P4HB: variants seen among roughly 807,000 people sequenced by gnomAD.
P4HB encodes protein disulfide-isomerase.
P4HB carries 20 observed loss-of-function variants against 52.6 expected under a neutral mutation model. The ratio of observed to expected loss-of-function variants is 0.38; its 90% confidence interval spans 0.27 to 0.55. P4HB has a LOEUF of 0.55. Ranked by LOEUF, P4HB falls within the 20% of genes least tolerant of loss-of-function variation. P4HB has a pLI of 0.74. For synonymous variants in P4HB, 296 were observed against 277.9 expected, an observed-to-expected ratio of 1.07 and a Z score of -0.65; for missense variants, 601 against 669.2, an observed-to-expected ratio of 0.90 and a Z score of 1.12.
At chr17:81,849,738 G>A (rs911460540) in intron 4 of P4HB, among the ~76,000 whole-genome samples, 2 of 152,142 alleles carry the variant, frequency 1.3e-5, no homozygotes, top group Non-Finnish European at 2.9e-5. Flanking sequence ...TCAGAGAGGC[G>A]CCCCTGTGCT....
chr17:81,853,338 C>T (rs1158938231), intron 4 of P4HB, among the ~76,000 whole-genome samples: 1 of 152,192 alleles, frequency 6.6e-6, no homozygotes, highest in Admixed American at 6.5e-5. Context: ...TTTGGGAGGC[C>T]AAGGCAGGCG....
Position 81,855,575 on chromosome 17 carries a change from C to A in P4HB, c.364G>T (p.Ala122Ser). Residue 122 changes from alanine to serine, a missense_variant, in exon 3 of 11, where the codon GCT becomes TCT. Physicochemically the swap from Ala to Ser is moderately conservative, Grantham distance 99. Coordinates refer to ENST00000331483, the MANE Select transcript of P4HB (RefSeq NM_000918.4). This position sits in a 1 kb window ranked among gnomAD's most constrained non-coding sequence, Gnocchi z 4.3. ...SPKEYTAGRE[A>S]DDIVNWLKKR... ...TTCAGCCAGTTCACGATGTCATCAG[C>A]CTCTCTGCCAGCTAACCCCAAACAA... 1 of 1,613,568 alleles carries A rather than the reference C, an allele frequency of 6.2e-7. No individual in the cohort carries two copies. The highest frequency in any genetic ancestry group is 1.7e-5 in the Admixed American group (1 of 59,940).
rs913237458 is a variant in P4HB, at chr17:81,860,515, G to C, written c.-44C>G. The C allele has an allele frequency of 8.1e-7, 1 of 1,235,264 alleles. No homozygotes were observed. 76.5% of individuals were successfully genotyped at this position (1,235,264 alleles called of 1,614,324 possible). A position where few individuals can be genotyped will look rare whatever the true frequency, so the allele number is the denominator to read the frequency against. On this transcript the variant is annotated 5_prime_UTR_variant, in exon 1 of 11. Transcript: ENST00000331483. ...GGGGCGCTTCGGTTGGCGCCGCCGG[G>C]ACAGCGGGGGCGACGAGAGCGCGCG...
intron 2 of P4HB, among the ~76,000 whole-genome samples, chr17:81,858,170 G>A (rs1027370641): frequency 2.3e-4 from 35 of 150,320 alleles, no homozygotes; most frequent in African/African-American, 7.9e-4. Context: ...TACTCAAGAG[G>A]CTGAGGCAGG....
rs1243442203 is a variant in P4HB, at chr17:81,845,158, C to T, written c.1432G>A (p.Ala478Thr). ...ACCCCACTCACGTCATCATCCCCTG[C>T]CCCATCCTGGCCACCGCTCTCCAGG... ...KFLESGGQDG[A>T]GDDDDLEDLE... Residue 478 changes from alanine to threonine, a missense_variant, in exon 10 of 11, where the codon GCA becomes ACA. Ala to Thr is a moderately conservative substitution (Grantham distance 58). Coordinates refer to ENST00000331483, the MANE Select transcript of P4HB (RefSeq NM_000918.4). The T allele has an allele frequency of 2.5e-6, 4 of 1,612,800 alleles. No individual in the cohort carries two copies. Among genetic ancestry groups the T allele is most frequent in the Non-Finnish European group, 2.5e-6 (3 of 1,178,982 alleles).
chr17:81,844,783 T>A (rs1222504762), intron 10 of P4HB, among the ~76,000 whole-genome samples: 2 of 152,256 alleles, frequency 1.3e-5, no homozygotes, highest in Non-Finnish European at 2.9e-5. Context: ...CAGACCCATG[T>A]CTGCGCCCTT....
Position 81,846,515 on chromosome 17 carries a change from T to A in P4HB, c.970A>T (p.Met324Leu). ...TCCGATTCGGGCTTGTACTTGGTCA[T>A]CTCCTCCTCCAGGGTGATGAGGCGC... ...AVRLITLEEE[M>L]TKYKPESEEL... Residue 324 changes from methionine (M) to leucine (L), a missense_variant, in exon 7 of 11, where the codon ATG (methionine) becomes TTG (leucine). Physicochemically the swap from Met to Leu is conservative, Grantham distance 15. Transcript: ENST00000331483. The surrounding 1 kb of genome is among the most constrained non-coding windows in gnomAD (Gnocchi z 5.7). 6.2e-7 allele frequency: 1 copy of A among 1,613,950 alleles called. No individual in the cohort carries two copies. Among genetic ancestry groups the A allele is most frequent in the Non-Finnish European group, 8.5e-7 (1 of 1,180,022 alleles).
intron 2 of P4HB, among the ~76,000 whole-genome samples, chr17:81,857,172 G>A (rs1598271558): frequency 6.6e-6 from 1 of 152,022 alleles, no homozygotes; most frequent in South Asian, 2.1e-4. Flanking sequence ...TTTTTGAAAC[G>A]AAGTCTCACT....
chr17:81,851,145 T>A (rs1032913209), intron 4 of P4HB, among the ~76,000 whole-genome samples: 1 of 151,934 alleles, frequency 6.6e-6, no homozygotes, highest in African/African-American at 2.4e-5. Flanking sequence ...TTAGCCAGGA[T>A]GGTCTCGATC....
chr17:81,852,757 C>T (rs1178749871), intron 4 of P4HB, among the ~76,000 whole-genome samples: 2 of 152,246 alleles, frequency 1.3e-5, no homozygotes, highest in Non-Finnish European at 2.9e-5. Flanking sequence ...GCAACGAAAC[C>T]ACCCTCCCAG....
At chr17:81,849,976 C>T (rs909633736) in intron 4 of P4HB, among the ~76,000 whole-genome samples, 1 of 151,742 alleles carries the variant, frequency 6.6e-6, no homozygotes, top group Non-Finnish European at 1.5e-5. Context: ...CACAGGCACC[C>T]GCCACCACGC....
chr17:81,845,359 T>C (rs1485196774), intron 9 of P4HB, 129 bp from the exon 10 acceptor site: 19 of 894,808 alleles, frequency 2.1e-5, no homozygotes, highest in African/African-American at 5.0e-5. Flanking sequence ...ATCCAGCACA[T>C]TGGGAGTTCA....
chr17:81,851,270 G>T (rs35867105), intron 4 of P4HB, among the ~76,000 whole-genome samples: 1 of 152,062 alleles, frequency 6.6e-6, no homozygotes, highest in African/African-American at 2.4e-5. Flanking sequence ...AATAAATCAC[G>T]CATCCTTTCT....
At chr17:81,847,870 T>TG (rs1160369667) in intron 4 of P4HB, 1 of 157,716 alleles carries the variant, frequency 6.3e-6, no homozygotes, top group Admixed American at 5.9e-5. Flanking sequence ...TTAGTCGAGA[T>TG]GGGGTATTAC....
At chr17:81,852,049 G>A (rs1470909952) in intron 4 of P4HB, among the ~76,000 whole-genome samples, 1 of 152,162 alleles carries the variant, frequency 6.6e-6, no homozygotes, top group Non-Finnish European at 1.5e-5. Context: ...CAGGTGCGGT[G>A]GTGCACACCT....
chr17:81,846,336 T>A lies in P4HB; in HGVS notation c.1056+93A>T. ...CGTCCTCTTACTCTGAAGATCTTAC[T>A]TTGAGGACGAAGCCCAGGACACTGA... On this transcript the variant is annotated intron_variant, in intron 7 of 10. Coordinates refer to ENST00000331483, the MANE Select transcript of P4HB (RefSeq NM_000918.4). The surrounding 1 kb of genome is among the most constrained non-coding windows in gnomAD (Gnocchi z 5.7). The A allele has an allele frequency of 8.5e-7, 1 of 1,180,410 alleles. No individual in the cohort carries two copies. The highest frequency in any genetic ancestry group is 2.3e-5 in the East Asian group (1 of 42,888). The allele number at this position is 1,180,410 out of a possible 1,614,324, so 73.1% of individuals were successfully genotyped here. A position where few individuals can be genotyped will look rare whatever the true frequency, so the allele number is the denominator to read the frequency against.
At chr17:81,845,835 G>A (rs1265419998) in intron 8 of P4HB, 36 bp downstream of exon 8, 4 of 1,613,988 alleles carry the variant, frequency 2.5e-6, no homozygotes, top group Non-Finnish European at 2.5e-6. Flanking sequence ...GTGCCCTGGT[G>A]GCACGGACCT....
chr17:81,857,945 CG>C (rs1325204907), intron 2 of P4HB, among the ~76,000 whole-genome samples: 1 of 152,116 alleles, frequency 6.6e-6, no homozygotes, highest in Non-Finnish European at 1.5e-5. Context: ...GACAGAACCA[CG>C]GTGACTTTGG....
rs146846893 is a variant in P4HB, at chr17:81,855,269, G to A, written c.497C>T (p.Ser166Leu). Reference sequence around the variant, plus strand: ...CTGCAAAAACTGCTTGGCAGAGTCCGACTCCACGTCCTGAATGAGGAGGGA... The same window carrying A: ...CTGCAAAAACTGCTTGGCAGAGTCCAACTCCACGTCCTGAATGAGGAGGGA... ...AVIGFFKDVE[S>L]DSAKQFLQAA... Residue 166 changes from serine to leucine, a missense_variant, in exon 4 of 11, where the codon TCG becomes TTG. Coordinates refer to ENST00000331483, the MANE Select transcript of P4HB (RefSeq NM_000918.4). This position sits in a 1 kb window ranked among gnomAD's most constrained non-coding sequence, Gnocchi z 4.3. 196 of 1,613,880 alleles carry A rather than the reference G, an allele frequency of 1.2e-4. 1 individual carries two copies. The highest frequency in any genetic ancestry group is 1.2e-3 in the Middle Eastern group (7 of 5,974).
Sources: gnomAD v4.1 joint callset for allele counts (sites outside exome capture counted in the v4.1 genomes callset) on GRCh38, gnomAD v4.1.1 for gene constraint, Gnocchi (gnomAD v3.1) non-coding constraint, MANE v1.5 for transcripts, NCBI Gene and HGNC (gene_info 2026-07-23, HGNC 2026-07-21) for gene names.